Variants in SAP130 observed in about 807,000 individuals in gnomAD.
SAP130 encodes histone deacetylase complex subunit SAP130.
In SAP130, 16 loss-of-function variants were observed where a neutral mutation model predicts 103.2. The observed-to-expected ratio is 0.16, with a 90% CI of 0.10 to 0.24. The LOEUF (loss-of-function observed/expected upper bound fraction) is 0.24, where lower values mean the gene tolerates loss of function less well. Among genes scored for constraint, SAP130 ranks in the 10% least tolerant of loss-of-function variants. The probability of loss-of-function intolerance (pLI) is 1.00; values close to 1 mark genes in which losing one functional copy is unlikely to be tolerated. For missense variants in SAP130, 990 were observed against 1,359.7 expected, an observed-to-expected ratio of 0.73 and a Z score of 4.28; for synonymous variants, 477 against 497.0, an observed-to-expected ratio of 0.96 and a Z score of 0.53.
chr2:127,950,019 A>G (rs1414581180), intron 17 of SAP130, 25 bp from the exon 18 acceptor site: 2 of 1,612,652 alleles, frequency 1.2e-6, no homozygotes, highest in Admixed American at 1.7e-5. Context: ...ACATTAAACA[A>G]CTTAGTAACA....
intron 17 of SAP130, 77 bp from the exon 18 acceptor site, chr2:127,950,071 C>T (rs779941456): frequency 1.2e-5 from 19 of 1,602,840 alleles, no homozygotes; most frequent in African/African-American, 9.7e-5. Flanking sequence ...AAGTGAGGTA[C>T]GAGTGAGGCT....
At chr2:127,956,702 T>TAA (rs55931869) in intron 15 of SAP130, among the ~76,000 whole-genome samples, 230 of 110,790 alleles carry the variant, frequency 2.1e-3, no homozygotes, top group Non-Finnish European at 3.0e-3. Context: ...TAAAGTATAA[T>TAA]AAAAAAAAAA....
Position 127,996,229 on chromosome 2 carries a change from G to GA in SAP130, c.1355+120dup, listed in dbSNP as rs1683167339. On this transcript the variant is annotated intron_variant, in intron 11 of 20. Transcript: ENST00000643581. The surrounding 1 kb of genome is among the most constrained non-coding windows in gnomAD (Gnocchi z 4.3). ...ATTATACGAAGTGTTACTTTCAGGG[G>GA]AAAATCTGAAAACATGAGTAATAAA... 1 of 986,628 alleles carries GA rather than the reference G, an allele frequency of 1.0e-6. No homozygotes were observed. The highest frequency in any genetic ancestry group is 3.1e-5 in the Admixed American group (1 of 32,006). 61.1% of individuals were successfully genotyped at this position (986,628 alleles called of 1,614,324 possible).
chr2:128,022,923 A>T (rs999354315), intron 2 of SAP130, among the ~76,000 whole-genome samples: 1 of 151,608 alleles, frequency 6.6e-6, no homozygotes, highest in Admixed American at 6.6e-5. Flanking sequence ...TCCGCTTCCC[A>T]GGCTCAAGCG....
chr2:127,994,815 CTG>C (rs565987451), intron 11 of SAP130, among the ~76,000 whole-genome samples: 136 of 152,268 alleles, frequency 8.9e-4, no homozygotes, highest in Non-Finnish European at 1.8e-3. Flanking sequence ...TCCCCTCAAA[CTG>C]TCCTTATTTG....
intron 15 of SAP130, among the ~76,000 whole-genome samples, chr2:127,956,073 T>C (rs1679819438): frequency 1.3e-5 from 2 of 152,146 alleles, no homozygotes; most frequent in African/African-American, 4.8e-5. Context: ...CAGTTGTAAT[T>C]GAGAGGGACT....
At chr2:127,976,098 G>A (rs1204605283) in intron 15 of SAP130, among the ~76,000 whole-genome samples, 1 of 152,082 alleles carries the variant, frequency 6.6e-6, no homozygotes, top group Non-Finnish European at 1.5e-5. Flanking sequence ...TGCCCGCCTC[G>A]GCCTCCCAAA....
intron 7 of SAP130, among the ~76,000 whole-genome samples, chr2:128,002,726 TAAAACAA>T (rs776376762): frequency 1.8e-4 from 28 of 151,728 alleles, no homozygotes; most frequent in Middle Eastern, 3.4e-3. Flanking sequence ...ATTTGAAAAC[TAAAACAA>T]AAAACAAAAA....
intron 16 of SAP130, among the ~76,000 whole-genome samples, chr2:127,952,251 G>A (rs11675188): frequency 0.28 from 43,244 of 151,860 alleles, 6,742 homozygotes; most frequent in Middle Eastern, 0.46. Context: ...AGGAGTTCGA[G>A]ACCAGCCTGG....
At chr2:127,999,504 T>A (rs531234802) in intron 10 of SAP130, among the ~76,000 whole-genome samples, 3 of 151,546 alleles carry the variant, frequency 2.0e-5, no homozygotes, top group Admixed American at 2.0e-4. Flanking sequence ...CTTGGGAGGC[T>A]GAGGCAGGAG....
intron 12 of SAP130, among the ~76,000 whole-genome samples, chr2:127,990,806 T>C (rs936926290): frequency 1.3e-5 from 2 of 151,878 alleles, no homozygotes; most frequent in Non-Finnish European, 2.9e-5. Flanking sequence ...CTTGGCATCA[T>C]AACACATGCC....
At chr2:127,980,332 C>T (rs1410530896) in intron 14 of SAP130, among the ~76,000 whole-genome samples, 4 of 152,104 alleles carry the variant, frequency 2.6e-5, no homozygotes, top group Non-Finnish European at 4.4e-5. Flanking sequence ...GAACCTAATG[C>T]GAAACATCAC....
chr2:127,951,929 G>A (rs1343161356), intron 16 of SAP130, among the ~76,000 whole-genome samples: 1 of 152,054 alleles, frequency 6.6e-6, no homozygotes, highest in Non-Finnish European at 1.5e-5. Context: ...ACAAGAACAT[G>A]TTCATCAAGT....
intron 4 of SAP130, among the ~76,000 whole-genome samples, chr2:128,015,940 C>CAA (rs58340147): frequency 0.27 from 26,048 of 97,080 alleles, 2,905 homozygotes; most frequent in South Asian, 0.31. Flanking sequence ...GATTCTGTCT[C>CAA]AAAAAAAAAA....
intron 6 of SAP130, among the ~76,000 whole-genome samples, chr2:128,011,755 C>T (rs964232556): frequency 2.6e-5 from 4 of 152,178 alleles, no homozygotes; most frequent in Non-Finnish European, 5.9e-5. Context: ...ATCTGTCTGT[C>T]CCCTGAAAGT....
intron 14 of SAP130, among the ~76,000 whole-genome samples, chr2:127,982,382 G>T (rs1038942899): frequency 1.3e-5 from 2 of 152,188 alleles, no homozygotes; most frequent in Non-Finnish European, 2.9e-5. Flanking sequence ...TTGGAGAGGA[G>T]CCCATAGAGC....
intron 2 of SAP130, among the ~76,000 whole-genome samples, chr2:128,025,228 T>TG (rs1401851376): frequency 2.0e-5 from 3 of 152,350 alleles, no homozygotes; most frequent in Admixed American, 6.5e-5. Context: ...TTCTCTGTTG[T>TG]GGGGGGCTTC....
intron 17 of SAP130, 76 bp downstream of exon 17, chr2:127,950,084 C>A: frequency 6.2e-7 from 1 of 1,607,554 alleles, no homozygotes. Flanking sequence ...GTGAGGCTGA[C>A]TATGTAACGA....
intron 15 of SAP130, among the ~76,000 whole-genome samples, chr2:127,957,674 TAA>T (rs80302590): frequency 1.1e-4 from 15 of 141,242 alleles, no homozygotes; most frequent in Non-Finnish European, 7.7e-5. Context: ...CCCTGCCTCT[TAA>T]AAAAAAAAAA....
Sources: gnomAD v4.1 joint callset for allele counts (sites outside exome capture counted in the v4.1 genomes callset) on GRCh38, gnomAD v4.1.1 for gene constraint, Gnocchi (gnomAD v3.1) non-coding constraint, MANE v1.5 for transcripts, NCBI Gene and HGNC (gene_info 2026-07-23, HGNC 2026-07-21) for gene names.